MFAP1: variants seen among roughly 807,000 people sequenced by gnomAD.
The protein encoded by MFAP1 is microfibril associated protein 1.
A neutral mutation model predicts 62.2 loss-of-function variants in MFAP1; 18 were observed. That is an observed-to-expected ratio of 0.29 (90% CI 0.20 to 0.43). MFAP1 has a LOEUF of 0.43. Among genes scored for constraint, MFAP1 ranks in the 20% least tolerant of loss-of-function variants. The pLI is 1.00. For synonymous variants in MFAP1, 175 were observed against 180.4 expected (o/e 0.97, Z 0.24); for missense variants, 355 against 559.7 (o/e 0.63, Z 3.69).
chr15:43,810,206 G>A, intron 6 of MFAP1: 1 of 287,268 alleles, frequency 3.5e-6, no homozygotes, highest in Non-Finnish European at 6.4e-6. Flanking sequence ...TTCCCTAAAA[G>A]GTCTTCTTAG....
chr15:43,818,870 T>C (rs1046087067), intron 1 of MFAP1, among the ~76,000 whole-genome samples: 2 of 151,822 alleles, frequency 1.3e-5, no homozygotes, highest in African/African-American at 4.8e-5. Flanking sequence ...TTAGCCTGAG[T>C]GATAGAGTGA....
chr15:43,813,960 A>C (rs2087418943), intron 4 of MFAP1, among the ~76,000 whole-genome samples: 1 of 152,146 alleles, frequency 6.6e-6, no homozygotes, highest in African/African-American at 2.4e-5. Context: ...GTGCTTAAAA[A>C]TATATGGCCT....
intron 1 of MFAP1, among the ~76,000 whole-genome samples, chr15:43,817,830 G>C (rs2087443595): frequency 6.6e-6 from 1 of 152,104 alleles, no homozygotes; most frequent in Non-Finnish European, 1.5e-5. Flanking sequence ...CACATAGTAA[G>C]GGTAATTTCT....
In MFAP1 at chr15:43,817,392, C is replaced by G; in HGVS notation, c.136G>C (p.Asp46His). The change falls in exon 2 of 9, where the codon GAC becomes CAC. Residue 46 changes from aspartate (D) to histidine (H), a missense_variant. Asp to His is a moderately conservative substitution (Grantham distance 81). Around this residue, in one of 6 missense-constraint regions of MFAP1, gnomAD observed 1 missense variants for 18.6 expected, o/e 0.05. Transcript: ENST00000267812. ...TCTGAGGACTCCATAGGGGCATAGT[C>G]TGGCCTTTTTCCGGACACATAACGC... is the stretch of plus-strand genomic sequence containing the variant. The part of the protein sequence containing the change: ...VKRYVSGKRP[D>H]YAPMESSDEE... The G allele has an allele frequency of 6.2e-7, 1 of 1,614,162 alleles. No homozygotes were observed. Among genetic ancestry groups the G allele is most frequent in the Non-Finnish European group, 8.5e-7 (1 of 1,180,038 alleles).
intron 7 of MFAP1, among the ~76,000 whole-genome samples, chr15:43,808,056 C>T (rs1173777959): frequency 1.3e-5 from 2 of 152,142 alleles, no homozygotes; most frequent in Non-Finnish European, 2.9e-5. Flanking sequence ...AGGAGGACTG[C>T]TTGAGCCCAG....
intron 7 of MFAP1, among the ~76,000 whole-genome samples, chr15:43,808,268 C>T (rs755227719): frequency 6.6e-6 from 1 of 152,214 alleles, no homozygotes; most frequent in Non-Finnish European, 1.5e-5. Context: ...TGCAGTGGCA[C>T]GATCACGGCT....
intron 4 of MFAP1, 113 bp downstream of exon 4, chr15:43,814,388 C>T (rs775916466): frequency 8.2e-7 from 1 of 1,226,012 alleles, no homozygotes; most frequent in Non-Finnish European, 1.1e-6. Flanking sequence ...CTAGCAAAAG[C>T]ACTTTCACTC....
chr15:43,807,769 T>C (rs369424515), intron 7 of MFAP1, among the ~76,000 whole-genome samples: 20 of 152,354 alleles, frequency 1.3e-4, no homozygotes, highest in African/African-American at 4.1e-4. Flanking sequence ...ACTTATGTTA[T>C]AGTGATTATG....
chr15:43,813,187 T>G (rs1204883506), intron 5 of MFAP1, 40 bp from the exon 6 acceptor site: 2 of 1,613,948 alleles, frequency 1.2e-6, no homozygotes, highest in Admixed American at 1.7e-5. Flanking sequence ...TTCCTTACTC[T>G]CCTCAGACAA....
rs773245146 is a variant in MFAP1, at chr15:43,805,065, CCA to C, written c.*27_*28del. ...CAGATGCTGAGACTCCCCTTGTGTT[CCA>C]CAGTTGGAAGAATAAGCAGTTGGAC... On this transcript the variant is annotated 3_prime_UTR_variant, in exon 9 of 9. Coordinates refer to ENST00000267812, the MANE Select transcript of MFAP1 (RefSeq NM_005926.3). The C allele has an allele frequency of 6.5e-7, 1 of 1,541,952 alleles. No individual in the cohort carries two copies. The highest frequency in any genetic ancestry group is 8.8e-7 in the Non-Finnish European group (1 of 1,137,886).
chr15:43,812,878 T>C (rs2141707645), intron 6 of MFAP1, 109 bp downstream of exon 6: 3 of 1,287,228 alleles, frequency 2.3e-6, no homozygotes, highest in Non-Finnish European at 3.2e-6. Context: ...CAACAAGAAC[T>C]CTGAAGGTGG....
chr15:43,823,581 A>G (rs1157592882), intron 1 of MFAP1, among the ~76,000 whole-genome samples: 1 of 149,824 alleles, frequency 6.7e-6, no homozygotes, highest in Non-Finnish European at 1.5e-5. Context: ...TTTCGCCATG[A>G]TCGCCAGGCT....
Position 43,824,620 on chromosome 15 carries a change from A to C in MFAP1, c.-51T>G, listed in dbSNP as rs377723009. On this transcript the variant is annotated 5_prime_UTR_variant, in exon 1 of 9. Transcript: ENST00000267812. ...GAAACTTGACTAATTCCAAACAGTG[A>C]ACACCAGCAACGTCAACGAAGAGAA... The C allele has an allele frequency of 1.3e-6, 2 of 1,575,828 alleles. No individual in the cohort carries two copies. The highest frequency in any genetic ancestry group is 1.7e-6 in the Non-Finnish European group (2 of 1,145,558).
intron 3 of MFAP1, 67 bp from the exon 4 acceptor site, chr15:43,814,755 A>G (rs2087423817): frequency 1.3e-6 from 2 of 1,548,370 alleles, no homozygotes; most frequent in South Asian, 2.4e-5. Flanking sequence ...CTCATCAAAC[A>G]CAACAAATTC....
In MFAP1 at chr15:43,824,476, G is replaced by T. The variant is rs186697645; in HGVS notation, c.79+15C>A. 3.7e-5 allele frequency: 59 copies of T among 1,613,920 alleles called. 1 individual carries two copies. In the Middle Eastern group the frequency reaches 1.2e-3, roughly 32 times the overall value. ...GGGTTAAAATTCGACTGGGAAGAGGGTGTTAGCACCGTACCTTTCTCATTG... is the reference window on the plus strand; with the variant it reads ...GGGTTAAAATTCGACTGGGAAGAGGTTGTTAGCACCGTACCTTTCTCATTG... On this transcript the variant is annotated intron_variant, in intron 1 of 8. Coordinates refer to ENST00000267812, the MANE Select transcript of MFAP1 (RefSeq NM_005926.3).
rs1265424326 is a variant in MFAP1, at chr15:43,824,557, T to G, written c.13A>C (p.Ser5Arg). The G allele has an allele frequency of 6.2e-7, 1 of 1,614,058 alleles. No individual in the cohort carries two copies. The highest frequency in any genetic ancestry group is 1.3e-5 in the African/African-American group (1 of 74,920). MSVP[S>R]ALMKQPPIQS... ...ATGGGCGGTTGCTTCATGAGAGCGC[T>G]TGGGACCGACATGTTGATGGCAGCG... is the stretch of plus-strand genomic sequence containing the variant. Residue 5 changes from serine (S) to arginine (R), a missense_variant, in exon 1 of 9, where the codon AGC becomes CGC. By Grantham distance (110) the Ser-to-Arg change is moderately radical (BLOSUM62 -1). Around this residue, in one of 6 missense-constraint regions of MFAP1, gnomAD observed 29 missense variants for 46.0 expected, o/e 0.63. Coordinates refer to ENST00000267812, the MANE Select transcript of MFAP1 (RefSeq NM_005926.3).
At chr15:43,823,596 T>C (rs2087480807) in intron 1 of MFAP1, among the ~76,000 whole-genome samples, 2 of 151,670 alleles carry the variant, frequency 1.3e-5, no homozygotes, top group Admixed American at 6.6e-5. Context: ...CAGGCTGTCT[T>C]GAACTCCTGA....
At chr15:43,823,986 A>G (rs2087483162) in intron 1 of MFAP1, among the ~76,000 whole-genome samples, 1 of 149,094 alleles carries the variant, frequency 6.7e-6, no homozygotes, top group Non-Finnish European at 1.5e-5. Context: ...GGCATTCTCT[A>G]TCTATCTATC....
Position 43,813,036 on chromosome 15 carries a change from TC to T in MFAP1, c.837del (p.Trp279Ter). 1 of 1,614,210 alleles carries T rather than the reference TC, an allele frequency of 6.2e-7. No homozygotes were observed. The highest frequency in any genetic ancestry group is 8.5e-7 in the Non-Finnish European group (1 of 1,180,036). On this transcript the variant is annotated frameshift_variant, in exon 6 of 9. Transcript: ENST00000267812. LOFTEE classifies it high-confidence loss of function. ...DENDEEEYEAWKVRELKRIKR... is the reference protein window; with the variant it reads ...DENDEEEYEAXKVRELKRIKR... ...TTGATTCTTTTTAGCTCTCGAACTT[TC>T]CATGCCTCATATTCCTCCTCATCAT...
Sources: gnomAD v4.1 joint callset for allele counts (sites outside exome capture counted in the v4.1 genomes callset) on GRCh38, gnomAD v4.1.1 for gene constraint, gnomAD v4.1.1 regional missense constraint, MANE v1.5 for transcripts, NCBI Gene and HGNC (gene_info 2026-07-23, HGNC 2026-07-21) for gene names.